Variants in TCTN2 observed in about 807,000 individuals in gnomAD.
TCTN2 encodes the protein tectonic family member 2, also known as tectonic-2.
Under a neutral mutation model 83.4 loss-of-function variants are expected in TCTN2, and 66 were observed. That is an observed-to-expected ratio of 0.79 (90% CI 0.65 to 0.97). The LOEUF (loss-of-function observed/expected upper bound fraction) is 0.97, where lower values mean the gene tolerates loss of function less well. TCTN2 is among the 50% of genes least tolerant of loss of function. The pLI is 0.00. For synonymous variants in TCTN2, 301 were observed against 326.7 expected (o/e 0.92, Z 0.85); for missense variants, 794 against 858.1 (o/e 0.93, Z 0.93).
chr12:123,698,354 T>G (rs1277905501), intron 13 of TCTN2, among the ~76,000 whole-genome samples: 1 of 150,728 alleles, frequency 6.6e-6, no homozygotes, highest in Non-Finnish European at 1.5e-5. Flanking sequence ...GTTTTTTGTT[T>G]TTTTGTTTTT....
chr12:123,677,945 T>TA lies in TCTN2; in HGVS notation c.464-1243dup, dbSNP rs149074502. Among the ~76,000 whole-genome samples, 1,050 of 152,298 alleles carry TA rather than the reference T, an allele frequency of 6.9e-3. 5 individuals are homozygous for TA. Among genetic ancestry groups the TA allele is most frequent in the African/African-American group, 0.023 (965 of 41,572 alleles). ...GTGCCTGGCTACCTGTACAAACTCT[T>TA]ACGTGTGTTTCAGGCTCAGCGCATT... On this transcript the variant is annotated intron_variant, in intron 4 of 17. Transcript: ENST00000303372.
intron 3 of TCTN2, among the ~76,000 whole-genome samples, chr12:123,673,243 G>A (rs1199148756): frequency 1.3e-5 from 2 of 152,180 alleles, no homozygotes; most frequent in African/African-American, 2.4e-5. Context: ...ACATGTACAT[G>A]TCTAAAGTCA....
intron 13 of TCTN2, among the ~76,000 whole-genome samples, chr12:123,698,729 C>T (rs1956138824): frequency 6.6e-6 from 1 of 152,134 alleles, no homozygotes; most frequent in African/African-American, 2.4e-5. Context: ...TTATGCCCGG[C>T]CTGCATGCAC....
intron 4 of TCTN2, among the ~76,000 whole-genome samples, chr12:123,677,728 CT>C (rs767029800): frequency 2.0e-5 from 3 of 152,178 alleles, no homozygotes; most frequent in African/African-American, 4.8e-5. Context: ...AGTGTTCCCC[CT>C]ATTCATCCAC....
At chr12:123,699,597 C>A in intron 13 of TCTN2, 107 bp from the exon 14 acceptor site, 1 of 925,938 alleles carries the variant, frequency 1.1e-6, no homozygotes, top group Non-Finnish European at 1.8e-6. Context: ...GTTCCTCTGG[C>A]AGTTTTTAAT....
chr12:123,692,513 T>A (rs1956055554), intron 8 of TCTN2, 145 bp from the exon 9 acceptor site: 2 of 703,614 alleles, frequency 2.8e-6, no homozygotes, highest in Non-Finnish European at 5.2e-6. Context: ...TATCTGATGG[T>A]TTTTGGGGAG....
Position 123,703,190 on chromosome 12 carries a change from CATT to C in TCTN2, c.1613-1338_1613-1336del, listed in dbSNP as rs200254308. 9.8e-3 allele frequency among the ~76,000 whole-genome samples: 1,381 copies of C among 141,582 alleles called. 26 individuals are homozygous for C. Among genetic ancestry groups the C allele is most frequent in the African/African-American group, 0.033 (1,299 of 39,472 alleles). The allele number at this position is 141,582 out of a possible 152,430, so 92.9% of individuals were successfully genotyped here. A position where few individuals can be genotyped will look rare whatever the true frequency, so the allele number is the denominator to read the frequency against. ...TTATTATTTTTTTTTCAATTATTAT[CATT>C]ATTTTTTTTTTGAGATGGAGTCTCA... On this transcript the variant is annotated intron_variant, in intron 14 of 17. Transcript: ENST00000303372.
At chr12:123,682,884 G>A (rs1238368937) in intron 5 of TCTN2, among the ~76,000 whole-genome samples, 3 of 129,832 alleles carry the variant, frequency 2.3e-5, no homozygotes, top group African/African-American at 8.9e-5. Flanking sequence ...TGTATTTCTG[G>A]TGTCATATTT....
chr12:123,675,313 G>A (rs1955807353), intron 4 of TCTN2, among the ~76,000 whole-genome samples: 1 of 152,160 alleles, frequency 6.6e-6, no homozygotes, highest in Non-Finnish European at 1.5e-5. Context: ...CTTTCAACTA[G>A]ATGTGCCGAT....
intron 9 of TCTN2, among the ~76,000 whole-genome samples, chr12:123,694,502 C>T (rs946214076): frequency 3.9e-5 from 6 of 152,228 alleles, no homozygotes; most frequent in Non-Finnish European, 7.3e-5. Context: ...CGGGCCCCTG[C>T]CCTGGCGGAA....
chr12:123,685,988 C>G (rs1180977227), intron 5 of TCTN2, among the ~76,000 whole-genome samples: 1 of 151,694 alleles, frequency 6.6e-6, no homozygotes, highest in Non-Finnish European at 1.5e-5. Flanking sequence ...ACCTCAGCCT[C>G]CCAAAATGTT....
chr12:123,708,006 CCT>C lies in TCTN2; in HGVS notation c.*294_*295del. ...TACAGGCATGAGCCACCGCACCCGG[CCT>C]TTTTTTTTTTTTTTTTTTTTTTGAG... On this transcript the variant is annotated 3_prime_UTR_variant, in exon 18 of 18. Transcript: ENST00000303372. The C allele has an allele frequency of 6.8e-6, 2 of 294,584 alleles. No homozygotes were observed. Among genetic ancestry groups the C allele is most frequent in the South Asian group, 3.9e-5 (1 of 25,748 alleles). 18.2% of individuals were successfully genotyped at this position (294,584 alleles called of 1,614,324 possible). A position where few individuals can be genotyped will look rare whatever the true frequency, so the allele number is the denominator to read the frequency against.
intron 6 of TCTN2, among the ~76,000 whole-genome samples, chr12:123,687,289 G>T (rs541457848): frequency 1.2e-4 from 18 of 152,318 alleles, no homozygotes; most frequent in African/African-American, 4.3e-4. Context: ...TGAAGGAGTG[G>T]TGGCTCATGG....
intron 17 of TCTN2, 85 bp from the exon 18 acceptor site, chr12:123,707,519 T>G: frequency 2.3e-6 from 3 of 1,295,046 alleles, no homozygotes; most frequent in Non-Finnish European, 3.3e-6. Flanking sequence ...ATTACAGGAG[T>G]GAGCCACCAC....
chr12:123,690,058 C>T (rs1956023312), intron 7 of TCTN2, among the ~76,000 whole-genome samples: 1 of 152,154 alleles, frequency 6.6e-6, no homozygotes, highest in African/African-American at 2.4e-5. Context: ...CTACAGCCTT[C>T]CAAAATGATG....
chr12:123,684,494 G>A (rs948343864), intron 5 of TCTN2, among the ~76,000 whole-genome samples: 1 of 150,798 alleles, frequency 6.6e-6, no homozygotes, highest in East Asian at 2.0e-4. Context: ...TCCGCCTCCC[G>A]GGTTCAAGCA....
chr12:123,696,789 A>G (rs1261576134), intron 12 of TCTN2: 6 of 525,700 alleles, frequency 1.1e-5, no homozygotes, highest in Non-Finnish European at 1.7e-5. Flanking sequence ...GGATGGTGCT[A>G]ATTGGAGACA....
rs758073974 is a variant in TCTN2 at position 123,687,122 on chromosome 12, C to T, written c.764+87C>T. 4.1e-4 allele frequency: 619 copies of T among 1,499,960 alleles called. 2 individuals carry two copies. Among genetic ancestry groups the T allele is most frequent in the Middle Eastern group, 2.1e-3 (12 of 5,826 alleles). 92.9% of individuals were successfully genotyped at this position (1,499,960 alleles called of 1,614,324 possible). A position where few individuals can be genotyped will look rare whatever the true frequency, so the allele number is the denominator to read the frequency against. On this transcript the variant is annotated intron_variant, in intron 6 of 17. Transcript: ENST00000303372. ...TCTAGTAGGCCCTGCAACGCGGTCA[C>T]GTTTTTCCCAACCCCTCTCCAGAGG...
Position 123,691,814 on chromosome 12 carries a change from C to T in TCTN2, c.1034-844C>T, listed in dbSNP as rs562767634. On this transcript the variant is annotated intron_variant, in intron 8 of 17. Transcript: ENST00000303372. ...TGACGTGATCTCGGCTCGCTGCAAC[C>T]TCCACCTCCCTGGTTCAAGCGATTC... Among the ~76,000 whole-genome samples the T allele has an allele frequency of 5.9e-5, 9 of 152,000 alleles. No homozygotes were observed. The South Asian group carries it at 1.9e-3, about 32-fold the overall frequency.
Sources: gnomAD v4.1 joint callset for allele counts (sites outside exome capture counted in the v4.1 genomes callset) on GRCh38, gnomAD v4.1.1 for gene constraint, MANE v1.5 for transcripts, NCBI Gene and HGNC (gene_info 2026-07-23, HGNC 2026-07-21) for gene names.